TXNDC16: variants seen among roughly 807,000 people sequenced by gnomAD.
TXNDC16 encodes the protein thioredoxin domain-containing protein 16.
In TXNDC16, 74 loss-of-function variants were observed where a neutral mutation model predicts 85.6. That is an observed-to-expected ratio of 0.86 (90% CI 0.72 to 1.05). The LOEUF (loss-of-function observed/expected upper bound fraction) is 1.05. Among genes scored for constraint, TXNDC16 ranks in the 50% least tolerant of loss-of-function variants. The pLI, the probability that TXNDC16 is intolerant of heterozygous loss-of-function variation, is 0.00. For missense variants in TXNDC16, 959 were observed against 947.0 expected (o/e 1.01, Z -0.17); for synonymous variants, 335 against 326.5 (o/e 1.03, Z -0.28).
chr14:52,465,409 G>A (rs1261304365), intron 16 of TXNDC16, among the ~76,000 whole-genome samples: 1 of 152,056 alleles, frequency 6.6e-6, no homozygotes, highest in South Asian at 2.1e-4. Flanking sequence ...TGGCTAACAC[G>A]GTGAAACCCC....
intron 4 of TXNDC16, among the ~76,000 whole-genome samples, chr14:52,541,109 G>T (rs977502515): frequency 1.3e-5 from 2 of 152,098 alleles, no homozygotes; most frequent in Admixed American, 6.5e-5. Context: ...CGTGGCACAT[G>T]CCTGTAATCC....
intron 6 of TXNDC16, among the ~76,000 whole-genome samples, chr14:52,531,909 G>A (rs2037590579): frequency 6.6e-6 from 1 of 152,018 alleles, no homozygotes; most frequent in African/African-American, 2.4e-5. Flanking sequence ...GAGATATACT[G>A]GGATTTTCTG....
chr14:52,528,863 A>G (rs1011232405), intron 6 of TXNDC16, among the ~76,000 whole-genome samples: 10 of 145,090 alleles, frequency 6.9e-5, no homozygotes, highest in Non-Finnish European at 1.4e-4. Context: ...GTGTATATAT[A>G]TAATACCTAT....
rs1447492145 is a variant in TXNDC16 at position 52,431,090 on chromosome 14, T to C, written c.*1214A>G. ...TCTCAAAAAATGCACAGAGCAAAAATGAGACAAACAACTGCTACAAACAGA... is the reference window on the plus strand; with the variant it reads ...TCTCAAAAAATGCACAGAGCAAAAACGAGACAAACAACTGCTACAAACAGA... On this transcript the variant is annotated 3_prime_UTR_variant, in exon 21 of 21. Coordinates refer to ENST00000281741, the MANE Select transcript of TXNDC16 (RefSeq NM_020784.3). 2 of 152,070 alleles carry C rather than the reference T, an allele frequency of 1.3e-5. No individual in the cohort carries two copies. The highest frequency in any genetic ancestry group is 2.4e-5 in the African/African-American group (1 of 41,416). The allele number at this position is 152,070 out of a possible 1,614,324, so 9.4% of individuals were successfully genotyped here. A position where few individuals can be genotyped will look rare whatever the true frequency, so the allele number is the denominator to read the frequency against.
chr14:52,444,586 T>C (rs183408193), intron 18 of TXNDC16, among the ~76,000 whole-genome samples: 92 of 152,274 alleles, frequency 6.0e-4, no homozygotes, highest in African/African-American at 2.0e-3. Context: ...GGAAACAAAC[T>C]GTCACAATGC....
At chr14:52,501,775 T>C (rs949385819) in intron 9 of TXNDC16, among the ~76,000 whole-genome samples, 5 of 152,206 alleles carry the variant, frequency 3.3e-5, no homozygotes, top group Admixed American at 6.5e-5. Context: ...GTGTTTCCTA[T>C]AAAAGTGTTT....
chr14:52,448,442 T>C (rs2140108687), intron 18 of TXNDC16, among the ~76,000 whole-genome samples: 1 of 150,700 alleles, frequency 6.6e-6, no homozygotes, highest in South Asian at 2.1e-4. Context: ...CTGGTGAAAA[T>C]ATCCTTCAAA....
At chr14:52,513,904 G>A (rs891823861) in intron 8 of TXNDC16, among the ~76,000 whole-genome samples, 2 of 152,028 alleles carry the variant, frequency 1.3e-5, no homozygotes, top group Non-Finnish European at 2.9e-5. Context: ...AATCACTGTG[G>A]TATGGAGAAT....
rs77423471 is a variant in TXNDC16, at chr14:52,524,125, T to A, written c.393-4832A>T. Reference sequence around the variant, plus strand: ...AGAATGAGCAATCGCTCAATGCCTATTCAGGAGAGAACAGCATGGGCACAG... The same window carrying A: ...AGAATGAGCAATCGCTCAATGCCTAATCAGGAGAGAACAGCATGGGCACAG... On this transcript the variant is annotated intron_variant, in intron 6 of 20. Coordinates refer to ENST00000281741, the MANE Select transcript of TXNDC16 (RefSeq NM_020784.3). 4.8e-3 allele frequency among the ~76,000 whole-genome samples: 724 copies of A among 152,374 alleles called. 4 individuals carry two copies. Among genetic ancestry groups the A allele is most frequent in the African/African-American group, 0.017 (699 of 41,586 alleles).
At position 52,470,442 on chromosome 14, in the gene TXNDC16, C is replaced by G. The variant is rs973315302; in HGVS notation, c.1481+70G>C. 14 of 1,487,924 alleles carry G rather than the reference C, an allele frequency of 9.4e-6. No homozygotes were observed. In the African/African-American group the frequency reaches 2.0e-4, roughly 21 times the overall value. The allele number at this position is 1,487,924 out of a possible 1,614,324, so 92.2% of individuals were successfully genotyped here. A position where few individuals can be genotyped will look rare whatever the true frequency, so the allele number is the denominator to read the frequency against. On this transcript the variant is annotated intron_variant, in intron 15 of 20. Coordinates refer to ENST00000281741, the MANE Select transcript of TXNDC16 (RefSeq NM_020784.3). ...TTCCTTAACCTATTTTAAGTGTTAGCAAAGTCTGAGAATTAGAACTTCTAA... is the reference window on the plus strand; with the variant it reads ...TTCCTTAACCTATTTTAAGTGTTAGGAAAGTCTGAGAATTAGAACTTCTAA...
intron 18 of TXNDC16, among the ~76,000 whole-genome samples, chr14:52,453,870 T>TA (rs995530313): frequency 1.4e-4 from 21 of 151,952 alleles, no homozygotes; most frequent in Middle Eastern, 3.2e-3. Context: ...ATCTTTTGGA[T>TA]AAAAAAAGCC....
chr14:52,473,701 G>C (rs1476754057), intron 14 of TXNDC16, among the ~76,000 whole-genome samples: 1 of 152,048 alleles, frequency 6.6e-6, no homozygotes, highest in Non-Finnish European at 1.5e-5. Flanking sequence ...TTTCAAATAG[G>C]TTCCTAACTT....
intron 14 of TXNDC16, among the ~76,000 whole-genome samples, chr14:52,480,393 A>G (rs996278757): frequency 6.6e-6 from 1 of 152,180 alleles, no homozygotes; most frequent in South Asian, 2.1e-4. Flanking sequence ...CAACTCACAG[A>G]ATGGGAGAAA....
chr14:52,529,400 C>G (rs911133724), intron 6 of TXNDC16, among the ~76,000 whole-genome samples: 1 of 150,536 alleles, frequency 6.6e-6, no homozygotes, highest in Non-Finnish European at 1.5e-5. Flanking sequence ...TGCAGCACAT[C>G]AACATGACAC....
At chr14:52,449,764 A>C (rs764975500) in intron 18 of TXNDC16, among the ~76,000 whole-genome samples, 16 of 152,294 alleles carry the variant, frequency 1.1e-4, no homozygotes, top group Non-Finnish European at 2.1e-4. Context: ...TTCTCTCACC[A>C]CAATGGAATA....
intron 1 of TXNDC16, among the ~76,000 whole-genome samples, chr14:52,545,946 CTTTTT>C (rs951671941): frequency 7.4e-5 from 11 of 149,016 alleles, no homozygotes; most frequent in Admixed American, 6.7e-4. Flanking sequence ...TACTTGGTGA[CTTTTT>C]TTTTTCTTTT....
At chr14:52,472,039 G>A (rs10129727) in intron 14 of TXNDC16, among the ~76,000 whole-genome samples, 76,764 of 149,998 alleles carry the variant, frequency 0.51, 20,576 homozygotes, top group East Asian at 0.71. Context: ...TGTGAATGTG[G>A]TATTTTAATA....
chr14:52,489,590 C>A (rs1000690564), intron 11 of TXNDC16, among the ~76,000 whole-genome samples: 3 of 152,176 alleles, frequency 2.0e-5, no homozygotes, highest in East Asian at 1.9e-4. Flanking sequence ...CAAATATTCA[C>A]AGAAATTTTT....
At chr14:52,487,734 G>A (rs1156397012) in intron 12 of TXNDC16, among the ~76,000 whole-genome samples, 2 of 152,012 alleles carry the variant, frequency 1.3e-5, no homozygotes, top group African/African-American at 2.4e-5. Flanking sequence ...TGGGACTTTG[G>A]GCAGATCACT....
Sources: gnomAD v4.1 joint callset for allele counts (sites outside exome capture counted in the v4.1 genomes callset) on GRCh38, gnomAD v4.1.1 for gene constraint, MANE v1.5 for transcripts, NCBI Gene and HGNC (gene_info 2026-07-23, HGNC 2026-07-21) for gene names.